The following SMAD6 variants were observed in gnomAD, a reference collection of about 807,000 sequenced individuals.
SMAD6 encodes SMAD family member 6, also known as MAD homolog 6.
A neutral mutation model predicts 39.4 loss-of-function variants in SMAD6; 103 were observed. The observed-to-expected ratio is 2.62, with a 90% confidence interval of 2.23 to 3.08. SMAD6 has a LOEUF of 3.08. SMAD6 is among the 30% of genes most tolerant of loss of function. The pLI, the probability that SMAD6 is intolerant of heterozygous loss-of-function variation, is 0.00. For synonymous variants in SMAD6, 445 were observed against 353.3 expected (o/e 1.26, Z -2.91); for missense variants, 1,104 against 742.9 (o/e 1.49, Z -5.65).
At position 66,703,002 on chromosome 15, in the gene SMAD6, T is replaced by G; in HGVS notation, c.-257T>G. 1 of 344,746 alleles carries G rather than the reference T, an allele frequency of 2.9e-6. No individual in the cohort carries two copies. Among genetic ancestry groups the G allele is most frequent in the Non-Finnish European group, 5.4e-6 (1 of 186,078 alleles). 21.4% of individuals were successfully genotyped at this position (344,746 alleles called of 1,614,324 possible). A position where few individuals can be genotyped will look rare whatever the true frequency, so the allele number is the denominator to read the frequency against. Reference sequence around the variant, plus strand: ...GAGTTGTTGAGCAGCCCCGCCGCTGTGGTCCATGTAGCCGCTGGCCGCGCG... The same window carrying G: ...GAGTTGTTGAGCAGCCCCGCCGCTGGGGTCCATGTAGCCGCTGGCCGCGCG... On this transcript the variant is annotated 5_prime_UTR_variant, in exon 1 of 4. Transcript: ENST00000288840.
intron 2 of SMAD6, among the ~76,000 whole-genome samples, chr15:66,712,107 A>G (rs562436729): frequency 2.0e-5 from 3 of 152,292 alleles, no homozygotes; most frequent in African/African-American, 7.2e-5. Flanking sequence ...TTTAGAGTGT[A>G]TTAATTAGTA....
rs1219132545 is a variant in SMAD6 at position 66,703,780 on chromosome 15, C to A, written c.522C>A (p.Thr174=). The change falls in exon 1 of 4, where the codon ACC becomes ACA. Residue 174 remains threonine, a synonymous_variant. Transcript: ENST00000288840. Reference sequence around the variant, plus strand: ...TGCTGCTGGAGCAGGAACTCAAAACCGTCACGTACTCGCTGCTGAAGCGGC... The same window carrying A: ...TGCTGCTGGAGCAGGAACTCAAAACAGTCACGTACTCGCTGCTGAAGCGGC... ...RLLLLEQELK[T]VTYSLLKRLK... is the part of the protein sequence containing the mutation. 3 of 1,436,618 alleles carry A rather than the reference C, an allele frequency of 2.1e-6. No individual in the cohort carries two copies. The highest frequency in any genetic ancestry group is 2.8e-6 in the Non-Finnish European group (3 of 1,084,144). The allele number at this position is 1,436,618 out of a possible 1,614,324, so 89.0% of individuals were successfully genotyped here.
Position 66,781,201 on chromosome 15 carries a change from A to G in SMAD6, c.1157A>G (p.Lys386Arg), listed in dbSNP as rs1324923793. Residue 386 changes from lysine (K) to arginine (R), a missense_variant, in exon 4 of 4, where the codon AAG becomes AGG. By Grantham distance (26) the Lys-to-Arg change is conservative (BLOSUM62 2). Coordinates refer to ENST00000288840, the MANE Select transcript of SMAD6 (RefSeq NM_005585.5). ...GAGTCGGTGCGGCGAACGCGCAGCA[A>G]GATCGGCTTCGGCATCCTGCTCAGC... ...RSESVRRTRS[K>R]IGFGILLSKE... The G allele has an allele frequency of 6.2e-7, 1 of 1,608,414 alleles. No individual in the cohort carries two copies. The highest frequency in any genetic ancestry group is 8.5e-7 in the Non-Finnish European group (1 of 1,179,734).
At chr15:66,768,336 T>C (rs1325785172) in intron 3 of SMAD6, among the ~76,000 whole-genome samples, 1 of 152,152 alleles carries the variant, frequency 6.6e-6, no homozygotes, top group East Asian at 1.9e-4. Flanking sequence ...TTCTGTCTAG[T>C]TGGTAAATTA....
chr15:66,779,949 C>T (rs928619025), intron 3 of SMAD6, among the ~76,000 whole-genome samples: 3 of 152,230 alleles, frequency 2.0e-5, no homozygotes, highest in East Asian at 1.9e-4. Flanking sequence ...GAGCAGGGAG[C>T]ACCCTGGCCT....
At chr15:66,725,608 G>C (rs939408344) in intron 3 of SMAD6, among the ~76,000 whole-genome samples, 1 of 152,216 alleles carries the variant, frequency 6.6e-6, no homozygotes, top group Admixed American at 6.5e-5. Flanking sequence ...GCAGGGAGAA[G>C]CTGGGCTGGG....
At chr15:66,715,529 G>A (rs1194047922) in intron 2 of SMAD6, among the ~76,000 whole-genome samples, 1 of 152,152 alleles carries the variant, frequency 6.6e-6, no homozygotes, top group Non-Finnish European at 1.5e-5. Flanking sequence ...TGTGCTGCAG[G>A]CCTTCCAACT....
chr15:66,703,522 C>T lies in SMAD6; in HGVS notation c.264C>T (p.Gly88=), dbSNP rs547033777. 3.3e-6 allele frequency: 4 copies of T among 1,219,698 alleles called. No homozygotes were observed. The highest frequency in any genetic ancestry group is 4.4e-5 in the Admixed American group (1 of 22,920). The allele number at this position is 1,219,698 out of a possible 1,614,324, so 75.6% of individuals were successfully genotyped here. A position where few individuals can be genotyped will look rare whatever the true frequency, so the allele number is the denominator to read the frequency against. ...QGAGRRRRAG[G]PPRPMSEPGA... ...CGGGGAGGCGCCGGCGCGCAGGGGG[C>T]CCCCCGAGGCCCATGTCGGAGCCAG... The change falls in exon 1 of 4, where the codon GGC becomes GGT. Residue 88 remains glycine (G), a synonymous_variant. Coordinates refer to ENST00000288840, the MANE Select transcript of SMAD6 (RefSeq NM_005585.5).
chr15:66,764,677 C>G (rs1315979052), intron 3 of SMAD6, among the ~76,000 whole-genome samples: 2 of 151,926 alleles, frequency 1.3e-5, no homozygotes, highest in Non-Finnish European at 2.9e-5. Context: ...GTGTATGGGC[C>G]CAGAGGAGGG....
chr15:66,728,445 C>T (rs1419639096), intron 3 of SMAD6, among the ~76,000 whole-genome samples: 2 of 150,738 alleles, frequency 1.3e-5, no homozygotes, highest in Non-Finnish European at 3.0e-5. Context: ...CTGGTTCTGT[C>T]GCCCAGGCTG....
intron 3 of SMAD6, among the ~76,000 whole-genome samples, chr15:66,771,773 A>G (rs1279549210): frequency 6.6e-6 from 1 of 151,326 alleles, no homozygotes; most frequent in Non-Finnish European, 1.5e-5. Context: ...AGCGCCTCCC[A>G]CTTCCCTGGG....
intron 1 of SMAD6, among the ~76,000 whole-genome samples, chr15:66,710,171 A>G (rs1301248717): frequency 6.6e-6 from 1 of 152,180 alleles, no homozygotes; most frequent in Non-Finnish European, 1.5e-5. Context: ...TAAAATGGGG[A>G]TAATAATGTC....
chr15:66,767,941 G>A (rs975558970), intron 3 of SMAD6, among the ~76,000 whole-genome samples: 12 of 132,966 alleles, frequency 9.0e-5, no homozygotes, highest in Admixed American at 2.3e-4. Flanking sequence ...ATTTTGGAGT[G>A]ATTATCCCAA....
intron 3 of SMAD6, among the ~76,000 whole-genome samples, chr15:66,728,294 G>T (rs1264629889): frequency 1.3e-5 from 2 of 152,140 alleles, no homozygotes; most frequent in Non-Finnish European, 2.9e-5. Flanking sequence ...ACCCCATCGT[G>T]TAGTTTTCTG....
At position 66,710,747 on chromosome 15, in the gene SMAD6, G is replaced by A. The variant is rs78549438; in HGVS notation, c.818-921G>A. Among the ~76,000 whole-genome samples, 946 of 152,092 alleles carry A rather than the reference G, an allele frequency of 6.2e-3. 9 individuals carry two copies. Among genetic ancestry groups the A allele is most frequent in the African/African-American group, 0.021 (870 of 41,462 alleles). ...AAGAAGCTAAGGAATTCTTCTGAAAGCAAAGTATATGTTTTTAAGGAGAAG... is the reference window on the plus strand; with the variant it reads ...AAGAAGCTAAGGAATTCTTCTGAAAACAAAGTATATGTTTTTAAGGAGAAG... On this transcript the variant is annotated intron_variant, in intron 1 of 3. Coordinates refer to ENST00000288840, the MANE Select transcript of SMAD6 (RefSeq NM_005585.5).
At chr15:66,739,070 A>C (rs904857762) in intron 3 of SMAD6, among the ~76,000 whole-genome samples, 1 of 144,958 alleles carries the variant, frequency 6.9e-6, no homozygotes. Context: ...AACCTTACCC[A>C]GGCCTTCTTT....
intron 3 of SMAD6, among the ~76,000 whole-genome samples, chr15:66,745,755 T>C (rs1893896532): frequency 6.6e-6 from 1 of 152,234 alleles, no homozygotes; most frequent in South Asian, 2.1e-4. Flanking sequence ...GACAAGTCCC[T>C]TTCCCTCTCC....
rs142802861 is a variant in SMAD6 at position 66,713,380 on chromosome 15, C to T, written c.874+1656C>T. On this transcript the variant is annotated intron_variant, in intron 2 of 3. Transcript: ENST00000288840. ...TGTCACCCAGGCTGGAGTGCAGTGG[C>T]GTGAATTCGGCCCACTGCAACCTCC... 7.9e-3 allele frequency among the ~76,000 whole-genome samples: 1,199 copies of T among 152,268 alleles called. 24 individuals carry two copies. Among genetic ancestry groups the T allele is most frequent in the East Asian group, 0.077 (399 of 5,174 alleles).
At position 66,780,924 on chromosome 15, in the gene SMAD6, C is replaced by T. The variant is rs909301200; in HGVS notation, c.953-73C>T. On this transcript the variant is annotated intron_variant, in intron 3 of 3. Coordinates refer to ENST00000288840, the MANE Select transcript of SMAD6 (RefSeq NM_005585.5). ...AGCTCCCACTGTGCAGACAGCAGTGCCCACCTCCGCTCCTCGGTGCCTCCC... is the reference window on the plus strand; with the variant it reads ...AGCTCCCACTGTGCAGACAGCAGTGTCCACCTCCGCTCCTCGGTGCCTCCC... 3.0e-5 allele frequency: 43 copies of T among 1,423,600 alleles called. No individual in the cohort carries two copies. The African/African-American group carries it at 4.5e-4, about 15-fold the overall frequency. The allele number at this position is 1,423,600 out of a possible 1,614,324, so 88.2% of individuals were successfully genotyped here. A position where few individuals can be genotyped will look rare whatever the true frequency, so the allele number is the denominator to read the frequency against.
Sources: gnomAD v4.1 joint callset for allele counts (sites outside exome capture counted in the v4.1 genomes callset) on GRCh38, gnomAD v4.1.1 for gene constraint, MANE v1.5 for transcripts, NCBI Gene and HGNC (gene_info 2026-07-23, HGNC 2026-07-21) for gene names.